STK38: variants seen among roughly 807,000 people sequenced by gnomAD.
STK38 encodes serine/threonine-protein kinase 38.
A neutral mutation model predicts 59.0 loss-of-function variants in STK38; 26 were observed. The observed-to-expected ratio is 0.44, with a 90% CI of 0.32 to 0.61. STK38 has a LOEUF of 0.61. Ranked by LOEUF, STK38 falls within the 20% of genes least tolerant of loss-of-function variation. The pLI is 0.04. For synonymous variants in STK38, 175 were observed against 176.6 expected (o/e 0.99, Z 0.07); for missense variants, 433 against 566.0 (o/e 0.76, Z 2.38).
intron 2 of STK38, among the ~76,000 whole-genome samples, chr6:36,537,700 C>T (rs1017114201): frequency 2.0e-5 from 3 of 151,830 alleles, no homozygotes; most frequent in Non-Finnish European, 4.4e-5. Flanking sequence ...GAGTTCGAGA[C>T]CAGCCTGGAC....
chr6:36,536,818 G>A (rs1777803250), intron 2 of STK38, among the ~76,000 whole-genome samples: 1 of 151,718 alleles, frequency 6.6e-6, no homozygotes, highest in South Asian at 2.1e-4. Context: ...TTACAGGTGT[G>A]AGCCACCGCA....
rs962342933 is a variant in STK38, at chr6:36,494,898, C to T, written c.*886G>A. 2.6e-5 allele frequency: 4 copies of T among 152,190 alleles called. No homozygotes were observed. Among genetic ancestry groups the T allele is most frequent in the Admixed American group, 2.0e-4 (3 of 15,258 alleles). 9.4% of individuals were successfully genotyped at this position (152,190 alleles called of 1,614,324 possible). A position where few individuals can be genotyped will look rare whatever the true frequency, so the allele number is the denominator to read the frequency against. On this transcript the variant is annotated 3_prime_UTR_variant, in exon 14 of 14. Transcript: ENST00000229812. ...CTCCTGCCTAGGCCTGGGCTCTCCT[C>T]GTTAGGTTCCCAGGAATAAATTGAG...
intron 11 of STK38, 29 bp from the exon 12 acceptor site, chr6:36,497,904 T>A: frequency 1.5e-5 from 19 of 1,296,760 alleles, no homozygotes; most frequent in Non-Finnish European, 1.9e-5. Context: ...TTTCAGCACA[T>A]CTCAAGCAGT....
chr6:36,532,985 T>C lies in STK38; in HGVS notation c.131+7087A>G, dbSNP rs892644285. 4.0e-5 allele frequency among the ~76,000 whole-genome samples: 6 copies of C among 151,410 alleles called. No homozygotes were observed. In the South Asian group the frequency reaches 8.3e-4, roughly 21 times the overall value. The stretch of plus-strand genomic sequence containing the variant: ...TACTCGGGAGGCTGAGGCAGGAGAA[T>C]TGCTTGAACCCAGGAGGTTGCAGTG... On this transcript the variant is annotated intron_variant, in intron 2 of 13. Coordinates refer to ENST00000229812, the MANE Select transcript of STK38 (RefSeq NM_007271.4).
chr6:36,533,534 A>G lies in STK38; in HGVS notation c.131+6538T>C, dbSNP rs547771057. Among the ~76,000 whole-genome samples the G allele has an allele frequency of 3.9e-5, 6 of 152,356 alleles. No homozygotes were observed. The East Asian group carries it at 1.2e-3, about 29-fold the overall frequency. On this transcript the variant is annotated intron_variant, in intron 2 of 13. Transcript: ENST00000229812. ...TTTTAGAAGGCTTTTCTATCTTAAGAATCCAAAGAATGCAAAGCACTGCTG... is the reference window on the plus strand; with the variant it reads ...TTTTAGAAGGCTTTTCTATCTTAAGGATCCAAAGAATGCAAAGCACTGCTG...
At chr6:36,534,827 G>A (rs1472160496) in intron 2 of STK38, among the ~76,000 whole-genome samples, 1 of 147,928 alleles carries the variant, frequency 6.8e-6, no homozygotes, top group Non-Finnish European at 1.5e-5. Flanking sequence ...CCCAGCTAGT[G>A]CACTAAGGCA....
At chr6:36,506,462 A>T in intron 9 of STK38, 121 bp downstream of exon 9, 1 of 980,442 alleles carries the variant, frequency 1.0e-6, no homozygotes, top group South Asian at 1.4e-5. Context: ...CACTCTCTTT[A>T]GGTAATCTTA....
rs1275824620 is a variant in STK38, at chr6:36,534,493, T to TA, written c.131+5578dup. Among the ~76,000 whole-genome samples, 147 of 147,782 alleles carry TA rather than the reference T, an allele frequency of 9.9e-4. 1 individual carries two copies. The highest frequency in any genetic ancestry group is 3.4e-3 in the Middle Eastern group (1 of 290). On this transcript the variant is annotated intron_variant, in intron 2 of 13. Coordinates refer to ENST00000229812, the MANE Select transcript of STK38 (RefSeq NM_007271.4). ...GTGATATCCTGTCTCTACAAAAAGG[T>TA]AAAAAAAAAATTAGCCAGGTGTGGT...
At chr6:36,529,069 G>A (rs1296918515) in intron 2 of STK38, among the ~76,000 whole-genome samples, 1 of 152,132 alleles carries the variant, frequency 6.6e-6, no homozygotes, top group Non-Finnish European at 1.5e-5. Flanking sequence ...AGACCTTGAG[G>A]ACACCAAAAA....
In STK38 at chr6:36,540,149, T is replaced by A; in HGVS notation, c.54A>T (p.Glu18Asp). ...PCSSMSNHTKERVTMTKVTLE... is the reference protein window; with the variant it reads ...PCSSMSNHTKDRVTMTKVTLE... ...GTGTCACTTTGGTCATTGTCACCCTTTCCTTTGTGTGGTTACTCATGGATG... is the reference window on the plus strand; with the variant it reads ...GTGTCACTTTGGTCATTGTCACCCTATCCTTTGTGTGGTTACTCATGGATG... The change falls in exon 2 of 14, where the codon GAA (glutamate) becomes GAT (aspartate). Residue 18 changes from glutamate to aspartate, a missense_variant. Physicochemically the swap from Glu to Asp is conservative, Grantham distance 45. Around this residue, in one of 3 missense-constraint regions of STK38, gnomAD observed 293 missense variants for 388.2 expected, o/e 0.75. Transcript: ENST00000229812. 8 of 1,614,136 alleles carry A rather than the reference T, an allele frequency of 5.0e-6. No homozygotes were observed. Among genetic ancestry groups the A allele is most frequent in the Non-Finnish European group, 6.8e-6 (8 of 1,179,996 alleles).
chr6:36,509,726 T>C (rs1191115243), intron 7 of STK38, among the ~76,000 whole-genome samples: 3 of 152,164 alleles, frequency 2.0e-5, no homozygotes, highest in Non-Finnish European at 4.4e-5. Flanking sequence ...CCGAGGCTGC[T>C]ACAACTCTTT....
intron 13 of STK38, 55 bp downstream of exon 13, chr6:36,496,656 T>G: frequency 7.6e-7 from 1 of 1,309,150 alleles, no homozygotes; most frequent in Non-Finnish European, 1.1e-6. Context: ...CATCCCAAAA[T>G]TGGGGGTAAA....
intron 9 of STK38, among the ~76,000 whole-genome samples, chr6:36,506,349 G>A (rs549315841): frequency 6.6e-6 from 1 of 152,096 alleles, no homozygotes; most frequent in African/African-American, 2.4e-5. Context: ...CAAGCTAAAA[G>A]GTCAGAATGA....
In STK38 at chr6:36,494,994, C is replaced by T. The variant is rs1053157309; in HGVS notation, c.*790G>A. Reference sequence around the variant, plus strand: ...CTGTCTTAGGGATTTTCTGGTACAGCCGTGAAGAGAAAGTGAGGGTTTTCC... The same window carrying T: ...CTGTCTTAGGGATTTTCTGGTACAGTCGTGAAGAGAAAGTGAGGGTTTTCC... On this transcript the variant is annotated 3_prime_UTR_variant, in exon 14 of 14. Coordinates refer to ENST00000229812, the MANE Select transcript of STK38 (RefSeq NM_007271.4). 5 of 152,316 alleles carry T rather than the reference C, an allele frequency of 3.3e-5. No homozygotes were observed. Among genetic ancestry groups the T allele is most frequent in the African/African-American group, 1.2e-4 (5 of 41,448 alleles). 9.4% of individuals were successfully genotyped at this position (152,316 alleles called of 1,614,324 possible). A position where few individuals can be genotyped will look rare whatever the true frequency, so the allele number is the denominator to read the frequency against.
intron 6 of STK38, among the ~76,000 whole-genome samples, chr6:36,517,050 TTG>T (rs1418129198): frequency 6.6e-6 from 1 of 152,216 alleles, no homozygotes; most frequent in Non-Finnish European, 1.5e-5. Context: ...AATCTAAGGG[TTG>T]TCACAAAATC....
chr6:36,498,299 TA>T (rs531831229), intron 11 of STK38, 63 bp downstream of exon 11: 1 of 1,569,016 alleles, frequency 6.4e-7, no homozygotes, highest in African/African-American at 1.4e-5. Context: ...CAAAAGTTTT[TA>T]AAAAAATGGA....
intron 1 of STK38, 66 bp from the exon 2 acceptor site, chr6:36,540,273 A>G: frequency 6.6e-7 from 1 of 1,524,888 alleles, no homozygotes; most frequent in Admixed American, 1.9e-5. Context: ...GCACTCTCCT[A>G]CCCTATTGGT....
chr6:36,497,621 A>G (rs1342428842), intron 12 of STK38, among the ~76,000 whole-genome samples, 159 bp downstream of exon 12: 4 of 152,240 alleles, frequency 2.6e-5, no homozygotes, highest in African/African-American at 9.6e-5. Flanking sequence ...AAAAAATCTA[A>G]TGCCCAATCT....
intron 13 of STK38, 129 bp from the exon 14 acceptor site, chr6:36,496,043 A>ATTT (rs34301019): frequency 3.8e-4 from 237 of 618,002 alleles, no homozygotes; most frequent in East Asian, 4.8e-4. Flanking sequence ...CACTCTATGA[A>ATTT]TTTTTTTTTT....
Sources: allele counts gnomAD v4.1 joint callset (sites outside exome capture counted in the v4.1 genomes callset), GRCh38; gene constraint gnomAD v4.1.1; regional missense constraint gnomAD v4.1.1; transcripts MANE v1.5; gene names NCBI Gene and HGNC (gene_info 2026-07-23, HGNC 2026-07-21).